The following ATXN10 variants were observed in gnomAD, a reference collection of about 807,000 sequenced individuals.
ATXN10 encodes ataxin 10.
ATXN10 carries 28 observed loss-of-function variants against 52.9 expected under a neutral mutation model. The ratio of observed to expected loss-of-function variants is 0.53; its 90% confidence interval spans 0.39 to 0.73. The LOEUF (loss-of-function observed/expected upper bound fraction) is 0.73. Among genes scored for constraint, ATXN10 ranks in the 30% least tolerant of loss-of-function variants. The pLI is 0.00. For synonymous variants in ATXN10, 226 were observed against 221.5 expected, an observed-to-expected ratio of 1.02 and a Z score of -0.18; for missense variants, 565 against 577.0, an observed-to-expected ratio of 0.98 and a Z score of 0.21.
At chr22:45,748,179 TAA>T (rs369182405) in intron 9 of ATXN10, among the ~76,000 whole-genome samples, 14 of 145,086 alleles carry the variant, frequency 9.6e-5, no homozygotes, top group Non-Finnish European at 9.1e-5. Flanking sequence ...ACTCTGTCTT[TAA>T]AAAAAAAAAA....
intron 9 of ATXN10, among the ~76,000 whole-genome samples, chr22:45,765,113 A>G (rs376411854): frequency 3.9e-5 from 6 of 152,204 alleles, no homozygotes; most frequent in African/African-American, 1.2e-4. Flanking sequence ...AGCAGCGTGA[A>G]GTATGCCCCT....
intron 10 of ATXN10, among the ~76,000 whole-genome samples, chr22:45,821,971 G>A (rs1296296186): frequency 1.3e-5 from 2 of 152,146 alleles, no homozygotes; most frequent in Non-Finnish European, 1.5e-5. Context: ...CTAGTCCTCC[G>A]CTGGCCTGAC....
intron 5 of ATXN10, among the ~76,000 whole-genome samples, chr22:45,706,108 CT>C (rs1450419488): frequency 6.6e-6 from 1 of 152,198 alleles, no homozygotes; most frequent in Non-Finnish European, 1.5e-5. Flanking sequence ...CCCCCCACCC[CT>C]GTCTATGGAA....
chr22:45,834,311 T>C (rs890471809), intron 10 of ATXN10, among the ~76,000 whole-genome samples: 22 of 152,304 alleles, frequency 1.4e-4, no homozygotes, highest in African/African-American at 5.1e-4. Context: ...AAACAGCCTC[T>C]TTACCTGGCA....
intron 10 of ATXN10, among the ~76,000 whole-genome samples, chr22:45,827,692 C>T (rs960994413): frequency 2.0e-5 from 3 of 152,130 alleles, no homozygotes; most frequent in African/African-American, 7.2e-5. Context: ...TAGTTGGAAA[C>T]TTCATTACCC....
At position 45,778,677 on chromosome 22, in the gene ATXN10, T is replaced by G. The variant is rs76786268; in HGVS notation, c.1174-28282T>G. Among the ~76,000 whole-genome samples, 899 of 152,322 alleles carry G rather than the reference T, an allele frequency of 5.9e-3. 8 individuals carry two copies. The highest frequency in any genetic ancestry group is 0.021 in the African/African-American group (868 of 41,576). ...GAGAGGAGCTTGTATGAAATTAGGATTCTCCATTAAGTGAATAAAATCGTG... is the reference window on the plus strand; with the variant it reads ...GAGAGGAGCTTGTATGAAATTAGGAGTCTCCATTAAGTGAATAAAATCGTG... On this transcript the variant is annotated intron_variant, in intron 9 of 11. Coordinates refer to ENST00000252934, the MANE Select transcript of ATXN10 (RefSeq NM_013236.4).
Position 45,684,466 on chromosome 22 carries a change from T to A in ATXN10, c.117-5246T>A, listed in dbSNP as rs1182558095. Reference sequence around the variant, plus strand: ...TATGACCCATGAGTTAAGAATGGTTTTTTACGTTTCTAAATGGTTGGGGAG... The same window carrying A: ...TATGACCCATGAGTTAAGAATGGTTATTTACGTTTCTAAATGGTTGGGGAG... On this transcript the variant is annotated intron_variant, in intron 1 of 11. Coordinates refer to ENST00000252934, the MANE Select transcript of ATXN10 (RefSeq NM_013236.4). This position sits in a 1 kb window ranked among gnomAD's most constrained non-coding sequence, Gnocchi z 4.1. Among the ~76,000 whole-genome samples the A allele has an allele frequency of 6.6e-6, 1 of 152,176 alleles. No homozygotes were observed. The highest frequency in any genetic ancestry group is 1.9e-4 in the East Asian group (1 of 5,190).
At chr22:45,749,808 C>G (rs1925878620) in intron 9 of ATXN10, among the ~76,000 whole-genome samples, 1 of 152,026 alleles carries the variant, frequency 6.6e-6, no homozygotes, top group African/African-American at 2.4e-5. Flanking sequence ...TCAGGCAGTC[C>G]TCCTTCCTTG....
Position 45,728,229 on chromosome 22 carries a change from C to T in ATXN10, c.729-1196C>T, listed in dbSNP as rs780808119. Among the ~76,000 whole-genome samples the T allele has an allele frequency of 6.6e-6, 1 of 151,960 alleles. No homozygotes were observed. The highest frequency in any genetic ancestry group is 1.5e-5 in the Non-Finnish European group (1 of 67,988). The stretch of plus-strand genomic sequence containing the variant: ...CAAGAGGTTCCATGCTGGTGCCTGT[C>T]GACCTTTTATTTCAAGCTTTAGAAC... On this transcript the variant is annotated intron_variant, in intron 6 of 11. Coordinates refer to ENST00000252934, the MANE Select transcript of ATXN10 (RefSeq NM_013236.4). This position sits in a 1 kb window ranked among gnomAD's most constrained non-coding sequence, Gnocchi z 4.3.
rs554269440 is a variant in ATXN10, at chr22:45,814,256, A to G, written c.1237+7234A>G. Among the ~76,000 whole-genome samples, 6 of 152,354 alleles carry G rather than the reference A, an allele frequency of 3.9e-5. No homozygotes were observed. The East Asian group carries it at 1.2e-3, about 29-fold the overall frequency. On this transcript the variant is annotated intron_variant, in intron 10 of 11. Coordinates refer to ENST00000252934, the MANE Select transcript of ATXN10 (RefSeq NM_013236.4). ...TACATATATCTGACAGAGGATAAGGACTTCTACAAAACAACAAGGAAAAGA... is the reference window on the plus strand; with the variant it reads ...TACATATATCTGACAGAGGATAAGGGCTTCTACAAAACAACAAGGAAAAGA...
intron 9 of ATXN10, among the ~76,000 whole-genome samples, chr22:45,773,832 AGAAAT>A (rs1222966061): frequency 2.0e-5 from 3 of 151,422 alleles, no homozygotes; most frequent in African/African-American, 7.3e-5. Context: ...GAAAGAAAAA[AGAAAT>A]GAACTGATGT....
intron 9 of ATXN10, among the ~76,000 whole-genome samples, chr22:45,788,680 A>G (rs1406150390): frequency 6.6e-6 from 1 of 152,036 alleles, no homozygotes; most frequent in Non-Finnish European, 1.5e-5. Context: ...AATGAAAGAC[A>G]GGGTCTCCCT....
In ATXN10 at chr22:45,787,366, T is replaced by C. The variant is rs989754431; in HGVS notation, c.1174-19593T>C. Among the ~76,000 whole-genome samples the C allele has an allele frequency of 6.6e-6, 1 of 152,100 alleles. No individual in the cohort carries two copies. The highest frequency in any genetic ancestry group is 2.4e-5 in the African/African-American group (1 of 41,418). ...TGACTCCAAAACTGGAGTTCGGACC[T>C]TTTTCCGTCTACCGCTGTGTCTTGA... On this transcript the variant is annotated intron_variant, in intron 9 of 11. Transcript: ENST00000252934. The surrounding 1 kb of genome is among the most constrained non-coding windows in gnomAD (Gnocchi z 4.2).
In ATXN10 at chr22:45,696,729, T is replaced by C. The variant is rs1923622240; in HGVS notation, c.392-3553T>C. ...TTTTTCTGCTCTATCCCAAATGTGC[T>C]ACAAAAGATGTATTTAGTTTTTACA... On this transcript the variant is annotated intron_variant, in intron 3 of 11. Coordinates refer to ENST00000252934, the MANE Select transcript of ATXN10 (RefSeq NM_013236.4). The surrounding 1 kb of genome is among the most constrained non-coding windows in gnomAD (Gnocchi z 4.7). Among the ~76,000 whole-genome samples the C allele has an allele frequency of 6.6e-6, 1 of 152,254 alleles. No individual in the cohort carries two copies. Among genetic ancestry groups the C allele is most frequent in the East Asian group, 1.9e-4 (1 of 5,206 alleles).
Position 45,796,327 on chromosome 22 carries a change from A to T in ATXN10, c.1174-10632A>T, listed in dbSNP as rs543112704. Among the ~76,000 whole-genome samples, 44 of 152,292 alleles carry T rather than the reference A, an allele frequency of 2.9e-4. No homozygotes were observed. The South Asian group carries it at 8.1e-3, about 28-fold the overall frequency. On this transcript the variant is annotated intron_variant, in intron 9 of 11. Transcript: ENST00000252934. ...TTTCCTGTTAAGATGTTTATCAATG[A>T]CAGTGTGTGCCCAGCAGGACATGGA...
chr22:45,752,565 T>TGGGGCTGGGGCTGGGGC (rs1420536486), intron 9 of ATXN10, among the ~76,000 whole-genome samples: 1 of 82,564 alleles, frequency 1.2e-5, no homozygotes, highest in Admixed American at 1.5e-4. Flanking sequence ...GGGGTTGGGG[T>TGGGGCTGGGGCTGGGGC]TGGGGCTGGG....
At chr22:45,699,571 A>T (rs62225966) in intron 3 of ATXN10, among the ~76,000 whole-genome samples, 16 of 145,738 alleles carry the variant, frequency 1.1e-4, no homozygotes, top group Non-Finnish European at 1.6e-4. Context: ...GCTCACTGGA[A>T]CCTCCACCTC....
intron 2 of ATXN10, among the ~76,000 whole-genome samples, chr22:45,692,081 G>A (rs1348678125): frequency 6.6e-6 from 1 of 152,206 alleles, no homozygotes; most frequent in East Asian, 1.9e-4. Context: ...GATTACTTAT[G>A]TAAATGCCTA....
chr22:45,725,847 C>G lies in ATXN10; in HGVS notation c.729-3578C>G, dbSNP rs931833192. ...TATTTTGAGATATGTTCCTTCTATG[C>G]CCAGATTTTTATCATAAAGGGATGC... On this transcript the variant is annotated intron_variant, in intron 6 of 11. Coordinates refer to ENST00000252934, the MANE Select transcript of ATXN10 (RefSeq NM_013236.4). Among the ~76,000 whole-genome samples, 3 of 151,834 alleles carry G rather than the reference C, an allele frequency of 2.0e-5. No homozygotes were observed. In the East Asian group the frequency reaches 5.8e-4, roughly 29 times the overall value.
Sources: allele counts gnomAD v4.1 joint callset (sites outside exome capture counted in the v4.1 genomes callset), GRCh38; gene constraint gnomAD v4.1.1; non-coding constraint Gnocchi (gnomAD v3.1); transcripts MANE v1.5; gene names NCBI Gene and HGNC (gene_info 2026-07-23, HGNC 2026-07-21).